The following FBXL2 variants were observed in gnomAD, a reference collection of about 807,000 sequenced individuals.
The protein encoded by FBXL2 is F-box/LRR-repeat protein 2.
A neutral mutation model predicts 69.2 loss-of-function variants in FBXL2; 38 were observed. The observed-to-expected ratio is 0.55, with a 90% CI of 0.42 to 0.72. The LOEUF (loss-of-function observed/expected upper bound fraction) is 0.72. Among genes scored for constraint, FBXL2 ranks in the 30% least tolerant of loss-of-function variants. The pLI is 0.00. For synonymous variants in FBXL2, 192 were observed against 201.3 expected (o/e 0.95, Z 0.39); for missense variants, 354 against 520.3 (o/e 0.68, Z 3.11).
At chr3:33,408,846 A>G in the FBXL2 span, 1 of 1,479,522 alleles carries the variant, frequency 6.8e-7, no homozygotes, top group Non-Finnish European at 9.4e-7. Flanking sequence ...TTATACAAAG[A>G]AAGATCTAAC....
chr3:33,396,104 T>G, intron 12 of FBXL2: 3 of 1,443,928 alleles, frequency 2.1e-6, no homozygotes, highest in Non-Finnish European at 2.8e-6. Context: ...ATCGAGTCCT[T>G]TCCGTTTCTG....
At chr3:33,378,988 C>T (rs796215662) in intron 13 of FBXL2, among the ~76,000 whole-genome samples, 5 of 152,132 alleles carry the variant, frequency 3.3e-5, no homozygotes, top group African/African-American at 1.2e-4. Context: ...GGGAACTCTA[C>T]CAAACATTTA....
intron 2 of FBXL2, among the ~76,000 whole-genome samples, chr3:33,343,315 C>G (rs913782772): frequency 6.6e-6 from 1 of 151,944 alleles, no homozygotes; most frequent in African/African-American, 2.4e-5. Flanking sequence ...AACATATATG[C>G]AGACACTTTT....
chr3:33,368,901 T>C (rs2042118393), intron 5 of FBXL2, among the ~76,000 whole-genome samples: 2 of 152,232 alleles, frequency 1.3e-5, no homozygotes, highest in South Asian at 4.1e-4. Flanking sequence ...TTGCTTTTTA[T>C]CCAATATGAC....
chr3:33,403,480 A>ATC (rs2044307575), exon 13 of FBXL2: 3 of 55,150 alleles, frequency 5.4e-5, no homozygotes, highest in Middle Eastern at 0.016. Flanking sequence ...ACAGTACTAC[A>ATC]TCTATCTCTA....
At chr3:33,359,691 C>T (rs903704492) in intron 4 of FBXL2, among the ~76,000 whole-genome samples, 13 of 151,632 alleles carry the variant, frequency 8.6e-5, no homozygotes, top group Non-Finnish European at 1.5e-4. Flanking sequence ...GAAAATCCAC[C>T]GAGAATTCTA....
At chr3:33,309,258 T>C (rs2036979469) in intron 2 of FBXL2, among the ~76,000 whole-genome samples, 2 of 152,218 alleles carry the variant, frequency 1.3e-5, no homozygotes, top group Admixed American at 6.5e-5. Context: ...CCTTCAGATC[T>C]ATTAATATTT....
chr3:33,281,134 TG>T (rs2033954482), intron 1 of FBXL2, among the ~76,000 whole-genome samples: 1 of 152,222 alleles, frequency 6.6e-6, no homozygotes, highest in African/African-American at 2.4e-5. Flanking sequence ...TGGGCCATGT[TG>T]GTGTGCTGTA....
chr3:33,410,073 T>C, the FBXL2 span, among the ~76,000 whole-genome samples: 1 of 152,204 alleles, frequency 6.6e-6, no homozygotes, highest in African/African-American at 2.4e-5. Flanking sequence ...AGATGCCAAT[T>C]TGTGATACTT....
chr3:33,377,422 C>A, intron 11 of FBXL2, 89 bp downstream of exon 11: 1 of 1,257,518 alleles, frequency 8.0e-7, no homozygotes, highest in Non-Finnish European at 1.2e-6. Flanking sequence ...GTGCAAAAGA[C>A]TACCTTCAGA....
intron 2 of FBXL2, among the ~76,000 whole-genome samples, chr3:33,307,528 T>A (rs1332088968): frequency 1.3e-5 from 2 of 152,120 alleles, no homozygotes; most frequent in African/African-American, 4.8e-5. Flanking sequence ...GAATAATATC[T>A]GTAGATTAGA....
intron 2 of FBXL2, among the ~76,000 whole-genome samples, chr3:33,348,034 C>G (rs979922502): frequency 3.3e-5 from 5 of 152,134 alleles, no homozygotes; most frequent in Middle Eastern, 6.8e-3. Flanking sequence ...TGATGTGATC[C>G]CATTTGTCCA....
At chr3:33,351,609 A>G (rs77953051) in intron 2 of FBXL2, among the ~76,000 whole-genome samples, 2,185 of 152,278 alleles carry the variant, frequency 0.014, 53 homozygotes, top group African/African-American at 0.05. Flanking sequence ...TCAAGTTGAT[A>G]TATAGATTCA....
intron 10 of FBXL2, among the ~76,000 whole-genome samples, chr3:33,376,873 C>T (rs1441435335): frequency 6.6e-6 from 1 of 152,034 alleles, no homozygotes; most frequent in Admixed American, 6.6e-5. Flanking sequence ...TGGTGGCGGG[C>T]ACCTGTAGTC....
intron 1 of FBXL2, among the ~76,000 whole-genome samples, chr3:33,282,026 G>T (rs1305614668): frequency 6.6e-6 from 1 of 152,110 alleles, no homozygotes; most frequent in African/African-American, 2.4e-5. Flanking sequence ...AGTTTCTTTT[G>T]CTGTGCAGAA....
At chr3:33,412,589 A>C in the FBXL2 span, 7 of 650,742 alleles carry the variant, frequency 1.1e-5, no homozygotes, top group East Asian at 1.9e-4. Flanking sequence ...CTCAAAAAAA[A>C]AAAAAAAAGA....
chr3:33,323,475 A>G (rs1430543251), intron 2 of FBXL2, among the ~76,000 whole-genome samples: 4 of 152,034 alleles, frequency 2.6e-5, no homozygotes, highest in Non-Finnish European at 5.9e-5. Flanking sequence ...CCGACGCCCA[A>G]CAGGCCCCAT....
downstream of FBXL2, among the ~76,000 whole-genome samples, chr3:33,408,451 T>C (rs536855960): frequency 6.6e-6 from 1 of 152,270 alleles, no homozygotes; most frequent in African/African-American, 2.4e-5. Context: ...TGTCTTTTTT[T>C]CCCTCCAAAA....
chr3:33,367,147 G>A (rs1419321641), intron 5 of FBXL2, among the ~76,000 whole-genome samples: 1 of 151,764 alleles, frequency 6.6e-6, no homozygotes, highest in Non-Finnish European at 1.5e-5. Flanking sequence ...CCAGGCTGGA[G>A]TGCAATGGCA....
Sources: gnomAD v4.1 joint callset for allele counts (sites outside exome capture counted in the v4.1 genomes callset) on GRCh38, gnomAD v4.1.1 for gene constraint, MANE v1.5 for transcripts, NCBI Gene and HGNC (gene_info 2026-07-23, HGNC 2026-07-21) for gene names.